Variants in SCHIP1 observed in about 807,000 individuals in gnomAD.
The protein encoded by SCHIP1 is schwannomin interacting protein 1.
SCHIP1 carries 8 observed loss-of-function variants against 29.7 expected under a neutral mutation model. The observed-to-expected ratio is 0.27, with a 90% CI of 0.16 to 0.49. The LOEUF is 0.49. Among genes scored for constraint, SCHIP1 ranks in the 20% least tolerant of loss-of-function variants. The pLI, the probability that SCHIP1 is intolerant of heterozygous loss-of-function variation, is 0.99. For missense variants in SCHIP1, 193 were observed against 294.6 expected (o/e 0.66, Z 2.52); for synonymous variants, 76 against 94.9 (o/e 0.80, Z 1.16).
At chr3:159,312,129 G>A in the SCHIP1 span, among the ~76,000 whole-genome samples, 1 of 152,156 alleles carries the variant, frequency 6.6e-6, no homozygotes, top group Non-Finnish European at 1.5e-5. Flanking sequence ...ACGACATACA[G>A]TATATCACTT....
chr3:159,669,997 A>G, the SCHIP1 span, among the ~76,000 whole-genome samples: 1 of 152,182 alleles, frequency 6.6e-6, no homozygotes, highest in Non-Finnish European at 1.5e-5. Flanking sequence ...CTCTCTAATG[A>G]AATGAGATTT....
the SCHIP1 span, among the ~76,000 whole-genome samples, chr3:159,335,979 A>G: frequency 1.3e-5 from 2 of 152,130 alleles, no homozygotes; most frequent in African/African-American, 4.8e-5. Flanking sequence ...AAGTGTTTCT[A>G]TTTCTCCACA....
At chr3:159,511,907 T>C in the SCHIP1 span, among the ~76,000 whole-genome samples, 2 of 152,158 alleles carry the variant, frequency 1.3e-5, no homozygotes, top group Non-Finnish European at 2.9e-5. Flanking sequence ...TAGGAAAGTG[T>C]AGTTGAATAT....
At chr3:159,601,501 T>C in the SCHIP1 span, among the ~76,000 whole-genome samples, 1 of 152,098 alleles carries the variant, frequency 6.6e-6, no homozygotes. Flanking sequence ...ACCCTAGCCT[T>C]TGTTGGCAGT....
At chr3:159,729,122 T>C in the SCHIP1 span, among the ~76,000 whole-genome samples, 3 of 151,232 alleles carry the variant, frequency 2.0e-5, no homozygotes, top group African/African-American at 7.3e-5. Flanking sequence ...CACTCCAGCC[T>C]AGGAGACAGG....
At chr3:159,571,924 C>T in the SCHIP1 span, among the ~76,000 whole-genome samples, 1 of 151,990 alleles carries the variant, frequency 6.6e-6, no homozygotes, top group South Asian at 2.1e-4. Flanking sequence ...AGAGGTGTTT[C>T]TGGTATTCTC....
chr3:159,892,234 G>C (rs981631057), intron 6 of SCHIP1, 44 bp downstream of exon 7: 3 of 1,609,396 alleles, frequency 1.9e-6, no homozygotes, highest in Admixed American at 3.4e-5. Flanking sequence ...AGCCCAGGGT[G>C]GTCTGAAATC....
At chr3:159,617,157 A>G in the SCHIP1 span, among the ~76,000 whole-genome samples, 2 of 152,200 alleles carry the variant, frequency 1.3e-5, no homozygotes, top group African/African-American at 2.4e-5. Flanking sequence ...CTGTGCTCTG[A>G]AAACAGAGAG....
chr3:159,306,044 C>A, the SCHIP1 span, among the ~76,000 whole-genome samples: 1 of 152,100 alleles, frequency 6.6e-6, no homozygotes, highest in Non-Finnish European at 1.5e-5. Flanking sequence ...AGCTTCTTAC[C>A]CAACCTAGAT....
At chr3:159,680,725 T>TA in the SCHIP1 span, among the ~76,000 whole-genome samples, 3 of 71,544 alleles carry the variant, frequency 4.2e-5, no homozygotes, top group African/African-American at 2.3e-4. Flanking sequence ...TATATGTATA[T>TA]ATATAATATA....
At chr3:159,739,076 A>G in the SCHIP1 span, among the ~76,000 whole-genome samples, 5 of 152,334 alleles carry the variant, frequency 3.3e-5, no homozygotes, top group South Asian at 2.1e-4. Flanking sequence ...TGCATATACA[A>G]TGCTAGAGTT....
At chr3:159,779,378 A>C in the SCHIP1 span, among the ~76,000 whole-genome samples, 1 of 152,116 alleles carries the variant, frequency 6.6e-6, no homozygotes, top group Non-Finnish European at 1.5e-5. Context: ...CAATAGAAGG[A>C]TGTCCCCGGC....
chr3:159,716,558 C>G, the SCHIP1 span, among the ~76,000 whole-genome samples: 1 of 152,124 alleles, frequency 6.6e-6, no homozygotes, highest in Non-Finnish European at 1.5e-5. Context: ...GAAGGAAGAT[C>G]TACCAAGCAA....
chr3:159,832,785 A>C, the SCHIP1 span, among the ~76,000 whole-genome samples: 13 of 151,954 alleles, frequency 8.6e-5, no homozygotes, highest in Admixed American at 8.5e-4. Context: ...TTGCTCTCTA[A>C]ATGTGGGCTT....
chr3:159,641,002 GTCATT>G, the SCHIP1 span, among the ~76,000 whole-genome samples: 2 of 152,122 alleles, frequency 1.3e-5, no homozygotes, highest in South Asian at 2.1e-4. Flanking sequence ...TGGAATTCTG[GTCATT>G]TCATTTAATA....
At chr3:159,337,788 G>T in the SCHIP1 span, among the ~76,000 whole-genome samples, 2 of 152,180 alleles carry the variant, frequency 1.3e-5, no homozygotes, top group Admixed American at 1.3e-4. Context: ...ATCCAAAATA[G>T]TGTGTGGTGG....
chr3:159,358,920 CTTTTTTTTTT>C, the SCHIP1 span, among the ~76,000 whole-genome samples: 1 of 96,548 alleles, frequency 1.0e-5, no homozygotes, highest in Non-Finnish European at 2.0e-5. Context: ...TATTAGCATC[CTTTTTTTTTT>C]TTTTTTTTTT....
chr3:159,668,503 T>TA, the SCHIP1 span, among the ~76,000 whole-genome samples: 14 of 151,892 alleles, frequency 9.2e-5, no homozygotes, highest in Admixed American at 3.9e-4. Flanking sequence ...TTAAAAATCT[T>TA]AAAAAATAGA....
the SCHIP1 span, among the ~76,000 whole-genome samples, chr3:159,810,457 TC>T: frequency 1.3e-5 from 2 of 152,232 alleles, no homozygotes; most frequent in Admixed American, 1.3e-4. Context: ...TTCCTCTTGC[TC>T]ATTGGCAGTC....
Sources: allele counts gnomAD v4.1 joint callset (sites outside exome capture counted in the v4.1 genomes callset), GRCh38; gene constraint gnomAD v4.1.1; transcripts MANE v1.5; gene names NCBI Gene and HGNC (gene_info 2026-07-23, HGNC 2026-07-21).